The following VDAC2 variants were observed in gnomAD, a reference collection of about 807,000 sequenced individuals.
VDAC2 encodes voltage dependent anion channel 2.
Under a neutral mutation model 36.6 loss-of-function variants are expected in VDAC2, and 6 were observed. The observed-to-expected ratio is 0.16, with a 90% CI of 0.09 to 0.32. The LOEUF (loss-of-function observed/expected upper bound fraction) is 0.32, where lower values mean the gene tolerates loss of function less well. Ranked by LOEUF, VDAC2 falls within the 10% of genes least tolerant of loss-of-function variation. VDAC2 has a pLI of 1.00. For missense variants in VDAC2, 247 were observed against 346.0 expected, an observed-to-expected ratio of 0.71 and a Z score of 2.27; for synonymous variants, 109 against 123.8, an observed-to-expected ratio of 0.88 and a Z score of 0.79.
At chr10:75,215,230 G>C (rs1434372174) in intron 4 of VDAC2, among the ~76,000 whole-genome samples, 2 of 151,604 alleles carry the variant, frequency 1.3e-5, no homozygotes, top group Admixed American at 1.3e-4. Context: ...ATTTAACTTT[G>C]TGAAATTTTT....
intron 3 of VDAC2, 85 bp downstream of exon 3, chr10:75,212,383 A>G: frequency 8.6e-7 from 1 of 1,166,294 alleles, no homozygotes; most frequent in Non-Finnish European, 1.2e-6. Context: ...CAATCATTGC[A>G]AATTGTAAAT....
intron 4 of VDAC2, among the ~76,000 whole-genome samples, chr10:75,218,772 A>G (rs537069269): frequency 6.6e-6 from 1 of 152,110 alleles, no homozygotes; most frequent in African/African-American, 2.4e-5. Flanking sequence ...AAAAAAAAAA[A>G]AGGTGTACAG....
At chr10:75,217,960 T>TATCA (rs1169089380) in intron 4 of VDAC2, 7 of 1,288,218 alleles carry the variant, frequency 5.4e-6, no homozygotes. Context: ...GGCGTGGTGA[T>TATCA]GCTTGTGATC....
chr10:75,227,605 A>C (rs1841993822), intron 8 of VDAC2, among the ~76,000 whole-genome samples: 1 of 75,728 alleles, frequency 1.3e-5, no homozygotes, highest in African/African-American at 9.3e-5. Context: ...TTTTGGAGAC[A>C]GAGTCTCACT....
intron 6 of VDAC2, among the ~76,000 whole-genome samples, chr10:75,219,779 C>A (rs1215592915): frequency 6.7e-6 from 1 of 148,912 alleles, no homozygotes; most frequent in Non-Finnish European, 1.5e-5. Flanking sequence ...GCCACCACGC[C>A]CAGCCTTTTT....
Position 75,231,237 on chromosome 10 carries a change from G to A in VDAC2, c.*248G>A, listed in dbSNP as rs1590017725. The A allele has an allele frequency of 9.0e-6, 3 of 334,060 alleles. No individual in the cohort carries two copies. Among genetic ancestry groups the A allele is most frequent in the South Asian group, 5.7e-5 (1 of 17,688 alleles). 20.7% of individuals were successfully genotyped at this position (334,060 alleles called of 1,614,324 possible). ...TTAAATGTATTTAACTGTTAAATGC[G>A]CTACCCACCAATAATGAAATAGACC... On this transcript the variant is annotated 3_prime_UTR_variant, in exon 10 of 10. Coordinates refer to ENST00000332211, the MANE Select transcript of VDAC2 (RefSeq NM_001391963.1).
intron 4 of VDAC2, 79 bp downstream of exon 4, chr10:75,214,149 C>A: frequency 6.9e-7 from 1 of 1,449,678 alleles, no homozygotes; most frequent in Non-Finnish European, 9.6e-7. Context: ...TGAAAGATGT[C>A]TACCTGTTTT....
chr10:75,229,735 TAG>T, intron 9 of VDAC2, 34 bp downstream of exon 9: 1 of 1,537,150 alleles, frequency 6.5e-7, no homozygotes, highest in East Asian at 2.3e-5. Context: ...ATTGTTTTGA[TAG>T]TATTAAAAAA....
chr10:75,225,397 G>T (rs767138915), intron 8 of VDAC2, among the ~76,000 whole-genome samples: 26 of 152,208 alleles, frequency 1.7e-4, no homozygotes, highest in South Asian at 6.2e-4. Context: ...GCTCCATTTG[G>T]CCCTTGTTAC....
intron 8 of VDAC2, 130 bp downstream of exon 8, chr10:75,222,532 T>C: frequency 1.6e-6 from 2 of 1,290,262 alleles, no homozygotes; most frequent in Non-Finnish European, 2.2e-6. Flanking sequence ...AGTTTTAGAT[T>C]TTGAAATGCG....
chr10:75,211,387 G>T, intron 2 of VDAC2, 198 bp downstream of exon 2: 2 of 1,411,240 alleles, frequency 1.4e-6, no homozygotes, highest in Admixed American at 5.3e-5. Flanking sequence ...AAGGCCCGGG[G>T]AGTTGGTCTG....
At position 75,231,172 on chromosome 10, in the gene VDAC2, A is replaced by G; in HGVS notation, c.*183A>G. The G allele has an allele frequency of 1.8e-6, 1 of 567,762 alleles. No homozygotes were observed. Among genetic ancestry groups the G allele is most frequent in the Non-Finnish European group, 3.2e-6 (1 of 315,502 alleles). 35.2% of individuals were successfully genotyped at this position (567,762 alleles called of 1,614,324 possible). ...TTAGCTGGTTTCTAGTTGGTTATCT[A>G]GTTACCAATGCTGCAGTCCTGCAGT... On this transcript the variant is annotated 3_prime_UTR_variant, in exon 10 of 10. Transcript: ENST00000332211.
chr10:75,210,654 G>A (rs545920827), upstream of VDAC2: 29 of 153,082 alleles, frequency 1.9e-4, no homozygotes, highest in East Asian at 5.6e-3. Context: ...CCCCACCGAC[G>A]GACGGAGGCA....
chr10:75,211,055 GGCCCCTC>G, intron 1 of VDAC2, 72 bp from the exon 2 acceptor site: 1 of 1,342,952 alleles, frequency 7.4e-7, no homozygotes. Context: ...GCTGCCCCGC[GGCCCCTC>G]GCCCCTCTCT....
intron 2 of VDAC2, 163 bp downstream of exon 2, chr10:75,211,352 G>A (rs1841413998): frequency 7.2e-7 from 1 of 1,387,392 alleles, no homozygotes; most frequent in Admixed American, 2.7e-5. Flanking sequence ...GGAGGGGCTG[G>A]GCTGCTGGAT....
intron 4 of VDAC2, chr10:75,218,104 A>T (rs1053715968): frequency 5.2e-5 from 20 of 386,702 alleles, no homozygotes; most frequent in Admixed American, 3.7e-4. Flanking sequence ...AAAAAAAAAA[A>T]TTCAGATAAG....
intron 9 of VDAC2, 63 bp downstream of exon 9, chr10:75,229,764 C>A (rs769766470): frequency 5.4e-4 from 745 of 1,383,122 alleles, no homozygotes; most frequent in Non-Finnish European, 5.3e-4. Flanking sequence ...TTTCATTCTT[C>A]AGCTTACTTT....
In VDAC2 at chr10:75,211,157, C is replaced by G. The variant is rs150163030; in HGVS notation, c.-2C>G. ...AGATTCCCCTCTTCCCGCGGCCTCG[C>G]CATGGCGACCCACGGACAGACTTGC... On this transcript the variant is annotated 5_prime_UTR_variant, in exon 2 of 10. Transcript: ENST00000332211. The G allele has an allele frequency of 5.6e-6, 9 of 1,612,386 alleles. No homozygotes were observed. In the African/African-American group the frequency reaches 8.0e-5, roughly 14 times the overall value.
chr10:75,210,840 G>A lies in VDAC2; in HGVS notation c.-124G>A, dbSNP rs1301093796. On this transcript the variant is annotated 5_prime_UTR_variant, in exon 1 of 10. Coordinates refer to ENST00000332211, the MANE Select transcript of VDAC2 (RefSeq NM_001391963.1). The stretch of plus-strand genomic sequence containing the variant: ...GGCGGAACGGTGTCTCCTTCACTTC[G>A]CCCTCCAGCTGCTGGAGCTGCAGCC... 4.3e-5 allele frequency: 13 copies of A among 300,724 alleles called. No individual in the cohort carries two copies. The highest frequency in any genetic ancestry group is 3.7e-5 in the Non-Finnish European group (6 of 163,132). The allele number at this position is 300,724 out of a possible 1,614,324, so 18.6% of individuals were successfully genotyped here.
Sources: allele counts gnomAD v4.1 joint callset (sites outside exome capture counted in the v4.1 genomes callset), GRCh38; gene constraint gnomAD v4.1.1; transcripts MANE v1.5; gene names NCBI Gene and HGNC (gene_info 2026-07-23, HGNC 2026-07-21).